The following CIMAP3 variants were observed in gnomAD, a reference collection of about 807,000 sequenced individuals.
CIMAP3 encodes the protein ciliary microtubule-associated protein 3.
At chr1:111,347,641 G>GTTTTTTTTT in the CIMAP3 span, 1 of 1,071,200 alleles carries the variant, frequency 9.3e-7, no homozygotes, top group South Asian at 2.0e-5. Context: ...TTTTTTTGGT[G>GTTTTTTTTT]TTTTTGTTTG....
the CIMAP3 span, chr1:111,350,136 A>G: frequency 6.2e-7 from 1 of 1,614,066 alleles, no homozygotes; most frequent in Admixed American, 1.7e-5. Context: ...AGAAGAAGCC[A>G]CCGCCAAAAA....
the CIMAP3 span, among the ~76,000 whole-genome samples, chr1:111,341,405 GAA>G: frequency 6.6e-6 from 1 of 152,062 alleles, no homozygotes; most frequent in Non-Finnish European, 1.5e-5. Context: ...AAAGTATTGA[GAA>G]AATATCAGAT....
chr1:111,348,034 G>A, the CIMAP3 span, among the ~76,000 whole-genome samples: 1 of 152,204 alleles, frequency 6.6e-6, no homozygotes, highest in Admixed American at 6.5e-5. Flanking sequence ...GTGTTGAGAT[G>A]CCTGAGGTTA....
the CIMAP3 span, among the ~76,000 whole-genome samples, chr1:111,338,902 A>T: frequency 4.6e-5 from 7 of 152,202 alleles, no homozygotes; most frequent in African/African-American, 1.7e-4. Flanking sequence ...ACACAACCAA[A>T]AAAGAGAATT....
the CIMAP3 span, among the ~76,000 whole-genome samples, chr1:111,342,185 A>G: frequency 6.6e-6 from 1 of 152,210 alleles, no homozygotes; most frequent in Non-Finnish European, 1.5e-5. Flanking sequence ...AGAAGCAAAT[A>G]ACATATAAGG....
chr1:111,350,074 A>G, the CIMAP3 span: 7 of 1,556,610 alleles, frequency 4.5e-6, no homozygotes, highest in Non-Finnish European at 6.2e-6. Flanking sequence ...TCACTAACTC[A>G]TTAGACATGA....
the CIMAP3 span, among the ~76,000 whole-genome samples, chr1:111,342,360 A>T: frequency 2.0e-5 from 3 of 152,236 alleles, no homozygotes; most frequent in African/African-American, 7.2e-5. Flanking sequence ...GATGTGTCCA[A>T]CTTTCAGGCC....
the CIMAP3 span, among the ~76,000 whole-genome samples, chr1:111,338,969 A>G: frequency 1.3e-5 from 2 of 152,336 alleles, no homozygotes; most frequent in South Asian, 4.1e-4. Flanking sequence ...AATACTGGCA[A>G]ACCAAATCCA....
At chr1:111,347,131 A>G in the CIMAP3 span, 1 of 1,466,894 alleles carries the variant, frequency 6.8e-7, no homozygotes, top group Non-Finnish European at 9.1e-7. Flanking sequence ...CGTAAAAGAA[A>G]AAATTCTGTG....
the CIMAP3 span, among the ~76,000 whole-genome samples, chr1:111,351,104 A>G: frequency 6.6e-6 from 1 of 151,662 alleles, no homozygotes. Context: ...GTACATACAA[A>G]TTTTGGGAGA....
the CIMAP3 span, among the ~76,000 whole-genome samples, chr1:111,345,045 G>T: frequency 6.6e-6 from 1 of 152,212 alleles, no homozygotes; most frequent in Non-Finnish European, 1.5e-5. Context: ...CTAGGAGTAA[G>T]AGGCCATACT....
chr1:111,339,055 C>T, the CIMAP3 span, among the ~76,000 whole-genome samples: 4 of 152,158 alleles, frequency 2.6e-5, no homozygotes, highest in African/African-American at 9.7e-5. Context: ...TCAATATACT[C>T]AAATCAATAA....
At chr1:111,347,613 T>TCTTTC in the CIMAP3 span, 3 of 1,146,894 alleles carry the variant, frequency 2.6e-6, no homozygotes, top group African/African-American at 5.1e-5. Flanking sequence ...TATGCGTTGT[T>TCTTTC]TTTTCTTTCT....
At chr1:111,340,756 G>A in the CIMAP3 span, among the ~76,000 whole-genome samples, 1 of 152,080 alleles carries the variant, frequency 6.6e-6, no homozygotes, top group Non-Finnish European at 1.5e-5. Flanking sequence ...TACACTGTTG[G>A]TGGGACTGTA....
chr1:111,339,250 A>G, the CIMAP3 span, among the ~76,000 whole-genome samples: 1 of 151,640 alleles, frequency 6.6e-6, no homozygotes, highest in Non-Finnish European at 1.5e-5. Flanking sequence ...CCAATGTCAT[A>G]CTGAATGGGC....
At chr1:111,324,831 G>A in the CIMAP3 span, 5 of 985,270 alleles carry the variant, frequency 5.1e-6, no homozygotes, top group Admixed American at 2.5e-4. Context: ...CTGGGAGCTT[G>A]AGAGGCAACA....
chr1:111,327,756 T>C, the CIMAP3 span, among the ~76,000 whole-genome samples: 3 of 152,054 alleles, frequency 2.0e-5, no homozygotes, highest in Non-Finnish European at 4.4e-5. Flanking sequence ...TTTTCTTCTC[T>C]ATTAGTCTAG....
At chr1:111,350,372 C>A in the CIMAP3 span, 1 of 638,234 alleles carries the variant, frequency 1.6e-6, no homozygotes, top group Non-Finnish European at 2.8e-6. Context: ...GTATATGAAT[C>A]TGAGGAACTT....
At chr1:111,351,179 TTTTTTTTG>T in the CIMAP3 span, 1 of 958,984 alleles carries the variant, frequency 1.0e-6, no homozygotes, top group Non-Finnish European at 1.5e-6. Flanking sequence ...TTTTTTTTTT[TTTTTTTTG>T]CATAACTGGG....
Sources: gnomAD v4.1 joint callset for allele counts (sites outside exome capture counted in the v4.1 genomes callset) on GRCh38, gnomAD v4.1.1 for gene constraint, MANE v1.5 for transcripts, NCBI Gene and HGNC (gene_info 2026-07-23, HGNC 2026-07-21) for gene names.